Variants in CPPED1 observed in about 807,000 individuals in gnomAD.
CPPED1 encodes serine/threonine-protein phosphatase CPPED1.
Under a neutral mutation model 28.0 loss-of-function variants are expected in CPPED1, and 28 were observed. That is an observed-to-expected ratio of 1.00 (90% CI 0.74 to 1.37). The LOEUF (loss-of-function observed/expected upper bound fraction) is 1.37, where lower values mean the gene tolerates loss of function less well. Among genes scored for constraint, CPPED1 ranks in the 40% most tolerant of loss-of-function variants. CPPED1 has a pLI of 0.00. For synonymous variants in CPPED1, 198 were observed against 180.2 expected, an observed-to-expected ratio of 1.10 and a Z score of -0.79; for missense variants, 504 against 416.5, an observed-to-expected ratio of 1.21 and a Z score of -1.83.
chr16:12,747,710 G>GC (rs1182101204), intron 2 of CPPED1, among the ~76,000 whole-genome samples: 4 of 152,168 alleles, frequency 2.6e-5, no homozygotes, highest in Admixed American at 6.5e-5. Context: ...GAGCCACCGC[G>GC]CCCGGCCTTA....
chr16:12,683,119 G>C (rs1441516502), intron 3 of CPPED1, among the ~76,000 whole-genome samples: 1 of 152,194 alleles, frequency 6.6e-6, no homozygotes, highest in African/African-American at 2.4e-5. Context: ...TCTGACTTGA[G>C]CCAGGGAAAG....
chr16:12,685,748 T>G (rs1209372330), intron 3 of CPPED1, among the ~76,000 whole-genome samples: 2 of 152,178 alleles, frequency 1.3e-5, no homozygotes, highest in Non-Finnish European at 2.9e-5. Flanking sequence ...CAAACCAGGA[T>G]GGATGCAGCT....
chr16:12,693,615 T>C (rs1435724625), intron 3 of CPPED1, among the ~76,000 whole-genome samples: 2 of 152,348 alleles, frequency 1.3e-5, no homozygotes, highest in African/African-American at 2.4e-5. Context: ...ATGTTGTAGA[T>C]TTGTACTTAC....
chr16:12,731,121 A>G (rs112509468), intron 2 of CPPED1, among the ~76,000 whole-genome samples: 189 of 151,644 alleles, frequency 1.2e-3, no homozygotes, highest in African/African-American at 4.3e-3. Context: ...CAGCCTGGGC[A>G]ACATATGGAG....
In CPPED1 at chr16:12,734,057, CGTTT is replaced by C. The variant is rs140009537; in HGVS notation, c.290-29012_290-29009del. ...TCTTTGTCTCTGTTTTCAAATTACA[CGTTT>C]TTTTTTTTTTTTTTTTTTTTTTTTT... On this transcript the variant is annotated intron_variant, in intron 2 of 3. Transcript: ENST00000381774. Among the ~76,000 whole-genome samples, 291 of 102,976 alleles carry C rather than the reference CGTTT, an allele frequency of 2.8e-3. 6 individuals carry two copies. The Admixed American group carries it at 0.029, about 10-fold the overall frequency. 67.6% of individuals were successfully genotyped at this position (102,976 alleles called of 152,430 possible).
chr16:12,735,604 C>A (rs372404941), intron 2 of CPPED1, among the ~76,000 whole-genome samples: 2 of 152,170 alleles, frequency 1.3e-5, no homozygotes, highest in Non-Finnish European at 2.9e-5. Context: ...GTGCCTGGCA[C>A]CCTAAAGATA....
chr16:12,694,566 C>T (rs528650255), intron 3 of CPPED1, among the ~76,000 whole-genome samples: 1 of 151,934 alleles, frequency 6.6e-6, no homozygotes, highest in South Asian at 2.1e-4. Flanking sequence ...CATTAAATGA[C>T]TAGTGTGTGA....
At chr16:12,802,001 A>C (rs2141249610) in intron 1 of CPPED1, among the ~76,000 whole-genome samples, 2 of 152,290 alleles carry the variant, frequency 1.3e-5, no homozygotes, top group East Asian at 3.9e-4. Context: ...GCAACCCCAC[A>C]GAGTAAACTG....
intron 2 of CPPED1, among the ~76,000 whole-genome samples, chr16:12,755,897 T>G (rs1425624001): frequency 6.6e-6 from 1 of 151,620 alleles, no homozygotes; most frequent in Non-Finnish European, 1.5e-5. Flanking sequence ...CTTTGGGAGG[T>G]CAAGGCGGGC....
chr16:12,699,583 T>C (rs974793251), intron 3 of CPPED1, among the ~76,000 whole-genome samples: 1 of 152,196 alleles, frequency 6.6e-6, no homozygotes, highest in Non-Finnish European at 1.5e-5. Context: ...TTCAGAATTA[T>C]TCATCAAGCT....
At chr16:12,732,927 A>G (rs1246594512) in intron 2 of CPPED1, among the ~76,000 whole-genome samples, 1 of 152,224 alleles carries the variant, frequency 6.6e-6, no homozygotes, top group East Asian at 1.9e-4. Context: ...AGAAGCACAG[A>G]TGGTTCCTAG....
intron 1 of CPPED1, among the ~76,000 whole-genome samples, chr16:12,793,513 G>C (rs1224293810): frequency 6.6e-6 from 1 of 152,140 alleles, no homozygotes; most frequent in Admixed American, 6.5e-5. Flanking sequence ...GTGACATGAT[G>C]CAAGTTCCTG....
chr16:12,759,408 G>C, intron 2 of CPPED1: 1 of 152,232 alleles, frequency 6.6e-6, no homozygotes, highest in East Asian at 1.9e-4. Flanking sequence ...CTCAAAGTCT[G>C]GTTCAAGGTG....
At chr16:12,765,669 C>A (rs2141229219) in intron 2 of CPPED1, among the ~76,000 whole-genome samples, 1 of 152,216 alleles carries the variant, frequency 6.6e-6, no homozygotes, top group Non-Finnish European at 1.5e-5. Flanking sequence ...TAAATTTTTT[C>A]TACAAACCAA....
At chr16:12,667,907 C>T (rs2079833959) in intron 3 of CPPED1, among the ~76,000 whole-genome samples, 1 of 152,148 alleles carries the variant, frequency 6.6e-6, no homozygotes, top group African/African-American at 2.4e-5. Flanking sequence ...GGAAACATGA[C>T]AGTTAATTCC....
chr16:12,705,589 C>T (rs536477313), intron 2 of CPPED1, among the ~76,000 whole-genome samples: 1 of 152,288 alleles, frequency 6.6e-6, no homozygotes, highest in African/African-American at 2.4e-5. Flanking sequence ...GAAACCCCGT[C>T]TCTACTAAAA....
At chr16:12,686,045 G>A (rs1837862874) in intron 3 of CPPED1, among the ~76,000 whole-genome samples, 1 of 151,920 alleles carries the variant, frequency 6.6e-6, no homozygotes, top group South Asian at 2.1e-4. Context: ...TGAGCCACCC[G>A]TGGCCCTCTG....
chr16:12,778,858 G>C (rs1223505736), intron 2 of CPPED1, among the ~76,000 whole-genome samples: 2 of 152,164 alleles, frequency 1.3e-5, no homozygotes, highest in East Asian at 3.8e-4. Flanking sequence ...AACAGTCCAA[G>C]TCTCCAGAAC....
chr16:12,713,628 T>C (rs1297384092), intron 2 of CPPED1, among the ~76,000 whole-genome samples: 1 of 152,182 alleles, frequency 6.6e-6, no homozygotes, highest in Non-Finnish European at 1.5e-5. Context: ...CTTAAAGTGC[T>C]AGAATTACAG....
Sources: allele counts gnomAD v4.1 joint callset (sites outside exome capture counted in the v4.1 genomes callset), GRCh38; gene constraint gnomAD v4.1.1; transcripts MANE v1.5; gene names NCBI Gene and HGNC (gene_info 2026-07-23, HGNC 2026-07-21).